Variants in LINS1 observed in about 807,000 individuals in gnomAD.
The protein encoded by LINS1 is protein Lines homolog 1.
Under a neutral mutation model 41.6 loss-of-function variants are expected in LINS1, and 27 were observed. The ratio of observed to expected loss-of-function variants is 0.65; its 90% CI spans 0.48 to 0.89. The LOEUF (loss-of-function observed/expected upper bound fraction) is 0.89. LINS1 is among the 40% of genes least tolerant of loss of function. LINS1 has a pLI of 0.00. For synonymous variants in LINS1, 336 were observed against 312.9 expected (o/e 1.07, Z -0.78); for missense variants, 955 against 884.1 (o/e 1.08, Z -1.02).
intron 1 of LINS1, chr15:100,596,894 A>C (rs1205803603): frequency 2.0e-5 from 3 of 152,032 alleles, no homozygotes; most frequent in African/African-American, 7.3e-5. Context: ...GAAACCGCCC[A>C]CTCCCTGCCA....
intron 3 of LINS1, among the ~76,000 whole-genome samples, chr15:100,576,378 C>T (rs2038180410): frequency 6.6e-6 from 1 of 152,190 alleles, no homozygotes; most frequent in Non-Finnish European, 1.5e-5. Flanking sequence ...AAACTACCAT[C>T]AGAGAATACT....
In LINS1 at chr15:100,569,577, A is replaced by C; in HGVS notation, c.1935T>G (p.Ala645=). The stretch of plus-strand genomic sequence containing the variant: ...GGTGTAAAGATGTCTGTTTACTGTT[A>C]GCTAAACACTGCTCTGTGGATTCCA... ...SDVESTEQCL[A]NSKQTSLHQQ... Residue 645 remains alanine (A), a synonymous_variant, in exon 7 of 7, where the codon GCT becomes GCG. Transcript: ENST00000314742. 6.2e-7 allele frequency: 1 copy of C among 1,613,956 alleles called. No individual in the cohort carries two copies. Among genetic ancestry groups the C allele is most frequent in the South Asian group, 1.1e-5 (1 of 91,078 alleles).
At chr15:100,591,192 G>GA (rs1170507953) in intron 1 of LINS1, among the ~76,000 whole-genome samples, 1 of 151,898 alleles carries the variant, frequency 6.6e-6, no homozygotes, top group African/African-American at 2.4e-5. Context: ...AATAAAATAG[G>GA]AAAAAAAATA....
At chr15:100,598,052 C>G (rs2039324153) in intron 1 of LINS1, among the ~76,000 whole-genome samples, 1 of 152,214 alleles carries the variant, frequency 6.6e-6, no homozygotes, top group Non-Finnish European at 1.5e-5. Flanking sequence ...CCCACTTTCC[C>G]TTTTGTTTTA....
Position 100,570,060 on chromosome 15 carries a change from T to G in LINS1, c.1452A>C (p.Thr484=), listed in dbSNP as rs2411836. 1.9e-6 allele frequency: 3 copies of G among 1,567,798 alleles called. No homozygotes were observed. The African/African-American group carries it at 4.1e-5, about 21-fold the overall frequency. ...AGTGAGGATTATAGCCATTTTCATG[T>G]GTGTGATGGTCCCACATTTCTTTTC... is the stretch of plus-strand genomic sequence containing the variant. ...TQGKEMWDHH[T]HENGYNPHCI... The change falls in exon 7 of 7, where the codon ACA becomes ACC. Residue 484 remains threonine, a synonymous_variant. Transcript: ENST00000314742.
intron 5 of LINS1, chr15:100,572,960 G>A (rs950014085): frequency 1.2e-5 from 5 of 429,988 alleles, no homozygotes; most frequent in South Asian, 9.1e-5. Context: ...AGCTCAAAAC[G>A]TTGAGGCTGC....
intron 3 of LINS1, among the ~76,000 whole-genome samples, chr15:100,575,937 T>C (rs373469285): frequency 7.9e-5 from 12 of 152,012 alleles, no homozygotes; most frequent in African/African-American, 1.4e-4. Context: ...GGGTACATAA[T>C]GAAATGAAGG....
At chr15:100,589,310 C>G (rs963596157) in intron 1 of LINS1, among the ~76,000 whole-genome samples, 1 of 152,110 alleles carries the variant, frequency 6.6e-6, no homozygotes, top group Non-Finnish European at 1.5e-5. Flanking sequence ...GCTGCTAACC[C>G]AAGTAGAACA....
chr15:100,589,540 C>A (rs1238921173), intron 1 of LINS1, among the ~76,000 whole-genome samples: 3 of 152,174 alleles, frequency 2.0e-5, no homozygotes, highest in Non-Finnish European at 4.4e-5. Flanking sequence ...TCATGGAGGA[C>A]CAGGTTGGTC....
At chr15:100,581,320 T>A (rs2038531080) in intron 1 of LINS1, among the ~76,000 whole-genome samples, 1 of 152,202 alleles carries the variant, frequency 6.6e-6, no homozygotes, top group Non-Finnish European at 1.5e-5. Flanking sequence ...GACCTCTACC[T>A]TCTACATGCC....
At chr15:100,585,540 G>GTTTT (rs1368230594) in intron 1 of LINS1, among the ~76,000 whole-genome samples, 3 of 152,282 alleles carry the variant, frequency 2.0e-5, no homozygotes, top group African/African-American at 7.2e-5. Context: ...CGTGGAAAAT[G>GTTTT]TTTTACTCGA....
At chr15:100,573,243 A>T in intron 5 of LINS1, 1 of 387,194 alleles carries the variant, frequency 2.6e-6, no homozygotes, top group Non-Finnish European at 3.7e-6. Flanking sequence ...AGGTTGGGAC[A>T]GGAGGAATAG....
At chr15:100,585,151 T>G (rs1345873464) in intron 1 of LINS1, among the ~76,000 whole-genome samples, 1 of 152,206 alleles carries the variant, frequency 6.6e-6, no homozygotes, top group Non-Finnish European at 1.5e-5. Flanking sequence ...AAGAAAAGTA[T>G]GCAAAACAGC....
chr15:100,581,739 C>T (rs902065194), intron 1 of LINS1, among the ~76,000 whole-genome samples: 2 of 152,152 alleles, frequency 1.3e-5, no homozygotes, highest in Non-Finnish European at 2.9e-5. Flanking sequence ...ATATTTCACA[C>T]CTCAAATAAT....
rs1251280882 is a variant in LINS1, at chr15:100,572,675, T to C, written c.1223-610A>G. The C allele has an allele frequency of 5.1e-6, 5 of 986,336 alleles. No individual in the cohort carries two copies. In the African/African-American group the frequency reaches 8.7e-5, roughly 17 times the overall value. The allele number at this position is 986,336 out of a possible 1,614,324, so 61.1% of individuals were successfully genotyped here. A position where few individuals can be genotyped will look rare whatever the true frequency, so the allele number is the denominator to read the frequency against. On this transcript the variant is annotated intron_variant, in intron 5 of 6. Coordinates refer to ENST00000314742, the MANE Select transcript of LINS1 (RefSeq NM_001040616.3). ...AATTATATCCAAAGCAATTCAGTGA[T>C]GTCATTGCTCACAATTCAAACTTTT...
chr15:100,573,312 A>AT, intron 5 of LINS1: 2 of 995,420 alleles, frequency 2.0e-6, no homozygotes, highest in Non-Finnish European at 1.3e-6. Flanking sequence ...TGCAGTTTAG[A>AT]TTAAAAAAAA....
At chr15:100,588,087 CA>C (rs1281096827) in intron 1 of LINS1, among the ~76,000 whole-genome samples, 2 of 152,192 alleles carry the variant, frequency 1.3e-5, no homozygotes, top group African/African-American at 4.8e-5. Context: ...TTAATTAATA[CA>C]AAAGGAATTC....
chr15:100,600,071 C>A (rs2039414078), intron 1 of LINS1, among the ~76,000 whole-genome samples: 1 of 152,042 alleles, frequency 6.6e-6, no homozygotes, highest in Non-Finnish European at 1.5e-5. Context: ...ATCTCAAAAA[C>A]AAAAACAAAC....
chr15:100,597,195 A>G (rs1039658792), intron 1 of LINS1, among the ~76,000 whole-genome samples: 3 of 152,024 alleles, frequency 2.0e-5, no homozygotes, highest in African/African-American at 7.3e-5. Context: ...GAAGCGAAGA[A>G]CCTGACCTGG....
Sources: gnomAD v4.1 joint callset for allele counts (sites outside exome capture counted in the v4.1 genomes callset) on GRCh38, gnomAD v4.1.1 for gene constraint, MANE v1.5 for transcripts, NCBI Gene and HGNC (gene_info 2026-07-23, HGNC 2026-07-21) for gene names.